Variants in SMIM31 observed in about 807,000 individuals in gnomAD.
SMIM31 encodes the protein human epithelial cell program regulator.
chr4:164,758,404 G>A (rs568402042), intron 1 of SMIM31, among the ~76,000 whole-genome samples: 2 of 152,236 alleles, frequency 1.3e-5, no homozygotes, highest in African/African-American at 4.8e-5. Context: ...TTCAGTGTAA[G>A]TTGGATAGAA....
At chr4:164,774,130 C>T (rs1225147199) in intron 2 of SMIM31, among the ~76,000 whole-genome samples, 1 of 147,304 alleles carries the variant, frequency 6.8e-6, no homozygotes, top group Non-Finnish European at 1.5e-5. Context: ...TGTGCCACTG[C>T]ACTCCAGCCT....
chr4:164,768,514 T>C (rs7659335), intron 1 of SMIM31, among the ~76,000 whole-genome samples: 72,169 of 151,036 alleles, frequency 0.48, 18,200 homozygotes, highest in Admixed American at 0.57. Context: ...ATGAGCTATG[T>C]GTCCAGAAAA....
chr4:164,791,169 G>A (rs1395332938), intron 2 of SMIM31, among the ~76,000 whole-genome samples: 1 of 151,560 alleles, frequency 6.6e-6, no homozygotes, highest in African/African-American at 2.4e-5. Flanking sequence ...ATCTTGGACT[G>A]TTTTTTTCTT....
chr4:164,793,549 G>A (rs116198825), intron 2 of SMIM31, among the ~76,000 whole-genome samples: 1 of 152,280 alleles, frequency 6.6e-6, no homozygotes, highest in Non-Finnish European at 1.5e-5. Context: ...GGTCAAGTAG[G>A]TTTTATTCTG....
At chr4:164,771,583 C>T (rs533805526) in intron 2 of SMIM31, among the ~76,000 whole-genome samples, 3 of 151,690 alleles carry the variant, frequency 2.0e-5, no homozygotes, top group East Asian at 1.9e-4. Context: ...AGGCGGATCA[C>T]GAGGTCAGGA....
rs191374984 is a variant in SMIM31 at position 164,755,467 on chromosome 4, G to T, written c.-26+1056G>T. On this transcript the variant is annotated intron_variant, in intron 1 of 2. Transcript: ENST00000507311. ...TGCACTCCAGCCTGGGCTACAGAGG[G>T]AGACTCTGTCTCAAACAGAAAGGAA... Among the ~76,000 whole-genome samples the T allele has an allele frequency of 7.1e-3, 1,017 of 143,576 alleles. 6 individuals carry two copies. The highest frequency in any genetic ancestry group is 0.029 in the Middle Eastern group (8 of 276). 94.2% of individuals were successfully genotyped at this position (143,576 alleles called of 152,430 possible). A position where few individuals can be genotyped will look rare whatever the true frequency, so the allele number is the denominator to read the frequency against.
In SMIM31 at chr4:164,799,623, T is replaced by C. The variant is rs371772632; in HGVS notation, c.113-1468T>C. Among the ~76,000 whole-genome samples, 60 of 152,290 alleles carry C rather than the reference T, an allele frequency of 3.9e-4. No individual in the cohort carries two copies. The East Asian group carries it at 9.5e-3, about 24-fold the overall frequency. On this transcript the variant is annotated intron_variant, in intron 2 of 2. Transcript: ENST00000507311. The stretch of plus-strand genomic sequence containing the variant: ...AAACCCATTCACATGGGGAAGGCCA[T>C]CTGCTTTACTGAGTCCACCAATTCA...
At chr4:164,772,996 T>C (rs1043854849) in intron 2 of SMIM31, among the ~76,000 whole-genome samples, 3 of 144,846 alleles carry the variant, frequency 2.1e-5, no homozygotes, top group African/African-American at 5.2e-5. Flanking sequence ...GCACACTTTC[T>C]CTTCAGATAA....
At chr4:164,759,946 C>A (rs1347430338) in intron 1 of SMIM31, among the ~76,000 whole-genome samples, 1 of 152,118 alleles carries the variant, frequency 6.6e-6, no homozygotes, top group Non-Finnish European at 1.5e-5. Flanking sequence ...GTAGACCACA[C>A]TGAGAAAGTA....
chr4:164,771,442 A>G (rs1206759610), intron 2 of SMIM31, among the ~76,000 whole-genome samples: 1 of 152,186 alleles, frequency 6.6e-6, no homozygotes, highest in Non-Finnish European at 1.5e-5. Context: ...CTGACGTGGC[A>G]CTTAATAAAA....
intron 1 of SMIM31, among the ~76,000 whole-genome samples, chr4:164,759,908 A>T (rs771189935): frequency 3.9e-5 from 6 of 152,180 alleles, no homozygotes; most frequent in Non-Finnish European, 7.3e-5. Context: ...GACTGCGGGG[A>T]GTTCCAACTT....
chr4:164,764,836 CTT>C (rs765949635), intron 1 of SMIM31, among the ~76,000 whole-genome samples: 1 of 152,116 alleles, frequency 6.6e-6, no homozygotes, highest in Non-Finnish European at 1.5e-5. Context: ...AAAAGGAGAA[CTT>C]TTTAGTTCTG....
In SMIM31 at chr4:164,788,036, TCA is replaced by T. The variant is rs1733049258; in HGVS notation, c.113-13054_113-13053del. 3.3e-5 allele frequency among the ~76,000 whole-genome samples: 5 copies of T among 152,320 alleles called. No homozygotes were observed. The South Asian group carries it at 1.0e-3, about 32-fold the overall frequency. On this transcript the variant is annotated intron_variant, in intron 2 of 2. Transcript: ENST00000507311. ...TTTTCAAAGATTCTCCCCACCATCC[TCA>T]GTTTTACACAATATATATTAGGAAG... is the stretch of plus-strand genomic sequence containing the variant.
chr4:164,761,052 C>T (rs113225230), intron 1 of SMIM31, among the ~76,000 whole-genome samples: 107 of 152,320 alleles, frequency 7.0e-4, no homozygotes, highest in African/African-American at 2.3e-3. Context: ...AATTGCCCAT[C>T]TATGATAAAT....
chr4:164,794,563 T>C (rs1733162819), intron 2 of SMIM31, among the ~76,000 whole-genome samples: 1 of 152,118 alleles, frequency 6.6e-6, no homozygotes, highest in South Asian at 2.1e-4. Context: ...TCCCAGCACT[T>C]TGGGAGGCCA....
intron 2 of SMIM31, among the ~76,000 whole-genome samples, chr4:164,786,294 A>T (rs1733024928): frequency 6.6e-6 from 1 of 152,136 alleles, no homozygotes; most frequent in Admixed American, 6.5e-5. Context: ...TTATATTTAA[A>T]CTACCCTAGC....
intron 2 of SMIM31, among the ~76,000 whole-genome samples, chr4:164,791,556 G>A (rs1280368553): frequency 2.0e-5 from 3 of 152,140 alleles, no homozygotes; most frequent in Non-Finnish European, 2.9e-5. Flanking sequence ...GGCTGGTGTC[G>A]AACTCCTAGG....
rs556780249 is a variant in SMIM31 at position 164,788,461 on chromosome 4, T to TA, written c.113-12630_113-12629insA. Among the ~76,000 whole-genome samples, 720 of 108,086 alleles carry TA rather than the reference T, an allele frequency of 6.7e-3. 5 individuals are homozygous for TA. The highest frequency in any genetic ancestry group is 0.022 in the South Asian group (78 of 3,588). The allele number at this position is 108,086 out of a possible 152,430, so 70.9% of individuals were successfully genotyped here. On this transcript the variant is annotated intron_variant, in intron 2 of 2. Coordinates refer to ENST00000507311, the MANE Select transcript of SMIM31 (RefSeq NM_001352885.1). The stretch of plus-strand genomic sequence containing the variant: ...GTGGCCAATCCGAATCTATAAAATT[T>TA]CTTTCTTCTAATTTTTCTTTTTTTT...
chr4:164,776,252 G>A (rs1732878692), intron 2 of SMIM31, among the ~76,000 whole-genome samples: 1 of 151,964 alleles, frequency 6.6e-6, no homozygotes, highest in African/African-American at 2.4e-5. Context: ...CACTAATTTG[G>A]TGCTTATCTT....
Sources: gnomAD v4.1 joint callset for allele counts (sites outside exome capture counted in the v4.1 genomes callset) on GRCh38, gnomAD v4.1.1 for gene constraint, MANE v1.5 for transcripts, NCBI Gene and HGNC (gene_info 2026-07-23, HGNC 2026-07-21) for gene names.